Variants in COL22A1 observed in about 807,000 individuals in gnomAD.
COL22A1 encodes the protein collagen alpha-1(XXII) chain.
COL22A1 carries 221 observed loss-of-function variants against 248.9 expected under a neutral mutation model. The ratio of observed to expected loss-of-function variants is 0.89; its 90% CI spans 0.80 to 0.99. The LOEUF (loss-of-function observed/expected upper bound fraction) is 0.99. Among genes scored for constraint, COL22A1 ranks in the 50% least tolerant of loss-of-function variants. COL22A1 has a pLI of 0.00. For synonymous variants in COL22A1, 891 were observed against 793.4 expected (o/e 1.12, Z -2.07); for missense variants, 2,240 against 2,179.0 (o/e 1.03, Z -0.56).
At chr8:138,852,661 C>A (rs1004728492) in intron 3 of COL22A1, among the ~76,000 whole-genome samples, 3 of 152,072 alleles carry the variant, frequency 2.0e-5, no homozygotes, top group African/African-American at 7.2e-5. Flanking sequence ...GAGATGTCTG[C>A]AAATTAGGCC....
intron 14 of COL22A1, among the ~76,000 whole-genome samples, chr8:138,778,976 A>T (rs989690957): frequency 6.6e-6 from 1 of 152,240 alleles, no homozygotes; most frequent in Non-Finnish European, 1.5e-5. Context: ...AACAACATGT[A>T]TTCATTCAGC....
intron 4 of COL22A1, among the ~76,000 whole-genome samples, chr8:138,839,092 T>A (rs1030970800): frequency 2.0e-5 from 3 of 152,148 alleles, no homozygotes; most frequent in African/African-American, 7.2e-5. Context: ...AGGAAAGGGA[T>A]GATTTGATCT....
At chr8:138,777,973 C>G (rs1207540150) in intron 15 of COL22A1, 5 of 338,268 alleles carry the variant, frequency 1.5e-5, no homozygotes, top group African/African-American at 4.4e-5. Context: ...GGCACTGTTC[C>G]AGGGGCTAAG....
chr8:138,639,675 T>C (rs1821497126), intron 47 of COL22A1, among the ~76,000 whole-genome samples: 1 of 152,222 alleles, frequency 6.6e-6, no homozygotes, highest in South Asian at 2.1e-4. Context: ...TTGAAAGGTA[T>C]GCAAATACTT....
intron 8 of COL22A1, 47 bp from the exon 9 acceptor site, chr8:138,811,968 G>A: frequency 6.7e-7 from 1 of 1,493,554 alleles, no homozygotes; most frequent in South Asian, 1.4e-5. Flanking sequence ...TCACTCAGCA[G>A]GCACTCCCTG....
chr8:138,875,178 T>A (rs949409727), intron 3 of COL22A1, among the ~76,000 whole-genome samples: 2 of 152,130 alleles, frequency 1.3e-5, no homozygotes, highest in African/African-American at 4.8e-5. Context: ...GGCCTTTCCA[T>A]TGAAAGTGAT....
chr8:138,817,862 CTT>C (rs1818800907), intron 7 of COL22A1, among the ~76,000 whole-genome samples: 1 of 152,152 alleles, frequency 6.6e-6, no homozygotes, highest in Admixed American at 6.5e-5. Context: ...TCATTTTTCT[CTT>C]GTTACAGCTG....
intron 63 of COL22A1, among the ~76,000 whole-genome samples, chr8:138,592,449 G>C (rs1282925683): frequency 6.6e-6 from 1 of 152,134 alleles, no homozygotes; most frequent in Admixed American, 6.5e-5. Flanking sequence ...TCAGTATTCT[G>C]CCACAATCTG....
At chr8:138,753,662 G>A (rs1368584589) in intron 21 of COL22A1, among the ~76,000 whole-genome samples, 1 of 152,158 alleles carries the variant, frequency 6.6e-6, no homozygotes, top group Admixed American at 6.5e-5. Flanking sequence ...CAGACTCTGA[G>A]GGTGCCTCAT....
In COL22A1 at chr8:138,703,314, G is replaced by A. The variant is rs747566535; in HGVS notation, c.2551C>T (p.Pro851Ser). The change falls in exon 31 of 65, where the codon CCT becomes TCT. Residue 851 changes from proline to serine, a missense_variant. Physicochemically the swap from Pro to Ser is moderately conservative, Grantham distance 74. Transcript: ENST00000303045. Reference sequence around the variant, plus strand: ...GAAGCGGAGTAACTTACAGTTCCAGGTAACCCGGGAGGGCCTGCAGGACCA... The same window carrying A: ...GAAGCGGAGTAACTTACAGTTCCAGATAACCCGGGAGGGCCTGCAGGACCA... ...EAGPAGPPGL[P>S]GTTSLFTPHP... 6.8e-6 allele frequency: 11 copies of A among 1,613,478 alleles called. No homozygotes were observed. The highest frequency in any genetic ancestry group is 9.3e-6 in the Non-Finnish European group (11 of 1,179,610).
chr8:138,698,282 C>T (rs1184303640), intron 32 of COL22A1, among the ~76,000 whole-genome samples: 1 of 152,182 alleles, frequency 6.6e-6, no homozygotes, highest in African/African-American at 2.4e-5. Context: ...ACTGAAGCAA[C>T]GGCGGTACAG....
At chr8:138,654,921 C>T (rs996736871) in intron 45 of COL22A1, among the ~76,000 whole-genome samples, 2 of 152,160 alleles carry the variant, frequency 1.3e-5, no homozygotes, top group African/African-American at 4.8e-5. Flanking sequence ...GGATAAAAGG[C>T]CCAACAGCCC....
At chr8:138,664,262 C>A (rs1824297577) in intron 41 of COL22A1, among the ~76,000 whole-genome samples, 1 of 149,778 alleles carries the variant, frequency 6.7e-6, no homozygotes, top group South Asian at 2.1e-4. Context: ...CACACAGATA[C>A]AGACACACAG....
intron 16 of COL22A1, among the ~76,000 whole-genome samples, chr8:138,770,774 A>C (rs976707502): frequency 1.4e-4 from 21 of 152,124 alleles, no homozygotes; most frequent in African/African-American, 5.1e-4. Flanking sequence ...CACAGAGAGG[A>C]GCCAGCTCTT....
At position 138,744,481 on chromosome 8, in the gene COL22A1, C is replaced by CCACACACACACA. The variant is rs60847304; in HGVS notation, c.2086-6916_2086-6905dup. On this transcript the variant is annotated intron_variant, in intron 22 of 64. Coordinates refer to ENST00000303045, the MANE Select transcript of COL22A1 (RefSeq NM_152888.3). The stretch of plus-strand genomic sequence containing the variant: ...ATGCACATGGATACACACACACACA[C>CCACACACACACA]CACACACACACACACACACACACTC... Among the ~76,000 whole-genome samples, 169 of 148,748 alleles carry CCACACACACACA rather than the reference C, an allele frequency of 1.1e-3. 1 individual carries two copies. Among genetic ancestry groups the CCACACACACACA allele is most frequent in the African/African-American group, 4.0e-3 (164 of 40,784 alleles).
intron 3 of COL22A1, among the ~76,000 whole-genome samples, chr8:138,856,087 G>T (rs1821985514): frequency 6.6e-6 from 1 of 152,232 alleles, no homozygotes; most frequent in Non-Finnish European, 1.5e-5. Context: ...AGCTTCGGAG[G>T]GGGGCCTGCT....
chr8:138,869,166 G>A (rs1823128350), intron 3 of COL22A1, among the ~76,000 whole-genome samples: 1 of 152,222 alleles, frequency 6.6e-6, no homozygotes, highest in Admixed American at 6.5e-5. Context: ...GGTTTAACCA[G>A]CTTCAACCAC....
At chr8:138,666,723 T>C (rs1358643488) in intron 41 of COL22A1, among the ~76,000 whole-genome samples, 1 of 152,228 alleles carries the variant, frequency 6.6e-6, no homozygotes, top group Admixed American at 6.5e-5. Flanking sequence ...GTCACATCAT[T>C]TGAGAGTCAC....
intron 47 of COL22A1, among the ~76,000 whole-genome samples, chr8:138,639,261 G>A (rs1260524572): frequency 6.6e-6 from 1 of 152,148 alleles, no homozygotes; most frequent in Non-Finnish European, 1.5e-5. Context: ...GCAAGGTCTG[G>A]AATCTAATCC....
Sources: allele counts gnomAD v4.1 joint callset (sites outside exome capture counted in the v4.1 genomes callset), GRCh38; gene constraint gnomAD v4.1.1; transcripts MANE v1.5; gene names NCBI Gene and HGNC (gene_info 2026-07-23, HGNC 2026-07-21).